PTPRM: variants seen among roughly 807,000 people sequenced by gnomAD.
PTPRM encodes receptor-type tyrosine-protein phosphatase mu.
Under a neutral mutation model 186.7 loss-of-function variants are expected in PTPRM, and 47 were observed. The ratio of observed to expected loss-of-function variants is 0.25; its 90% CI spans 0.20 to 0.32. PTPRM has a LOEUF of 0.32. Ranked by LOEUF, PTPRM falls within the 10% of genes least tolerant of loss-of-function variation. PTPRM has a pLI of 1.00. For missense variants in PTPRM, 1,494 were observed against 1,865.0 expected, an observed-to-expected ratio of 0.80 and a Z score of 3.66; for synonymous variants, 668 against 674.9, an observed-to-expected ratio of 0.99 and a Z score of 0.16.
intron 14 of PTPRM, among the ~76,000 whole-genome samples, chr18:8,201,700 C>T (rs952391709): frequency 2.0e-5 from 3 of 152,130 alleles, no homozygotes. Flanking sequence ...AGAGAGTTCT[C>T]TTCCTCTTCT....
chr18:8,031,629 A>T (rs1197890571), intron 7 of PTPRM, among the ~76,000 whole-genome samples: 1 of 152,230 alleles, frequency 6.6e-6, no homozygotes, highest in Non-Finnish European at 1.5e-5. Context: ...AGCACTATAG[A>T]GTCTGACAGG....
At chr18:8,358,195 T>G (rs993257682) in intron 23 of PTPRM, among the ~76,000 whole-genome samples, 3 of 151,180 alleles carry the variant, frequency 2.0e-5, no homozygotes, top group Non-Finnish European at 4.4e-5. Context: ...TTTTACAATT[T>G]TCACATTCCC....
At chr18:8,229,265 C>T (rs776007758) in intron 14 of PTPRM, among the ~76,000 whole-genome samples, 9 of 152,094 alleles carry the variant, frequency 5.9e-5, no homozygotes, top group Non-Finnish European at 1.0e-4. Flanking sequence ...CCAGCTGGCA[C>T]GTGATGTTTG....
intron 2 of PTPRM, among the ~76,000 whole-genome samples, chr18:7,839,918 G>A (rs1298784330): frequency 6.6e-6 from 1 of 152,052 alleles, no homozygotes; most frequent in Non-Finnish European, 1.5e-5. Context: ...TCCCTTCATG[G>A]GTGGGCATCA....
chr18:7,966,941 G>C lies in PTPRM; in HGVS notation c.1132+11527G>C. 2.4e-5 allele frequency among the ~76,000 whole-genome samples: 3 copies of C among 123,760 alleles called. 1 individual carries two copies. Among genetic ancestry groups the C allele is most frequent in the Non-Finnish European group, 5.8e-5 (3 of 51,824 alleles). The allele number at this position is 123,760 out of a possible 152,430, so 81.2% of individuals were successfully genotyped here. A position where few individuals can be genotyped will look rare whatever the true frequency, so the allele number is the denominator to read the frequency against. On this transcript the variant is annotated intron_variant, in intron 7 of 32. Transcript: ENST00000580170. Reference sequence around the variant, plus strand: ...CAAAGCAGCCTGGAAGCTCGAACTGGGTGGAGCCCACCACAGCTCTAGGAG... The same window carrying C: ...CAAAGCAGCCTGGAAGCTCGAACTGCGTGGAGCCCACCACAGCTCTAGGAG...
In PTPRM at chr18:7,772,349, C is replaced by CTTTCTT. The variant is rs775447799; in HGVS notation, c.74-1799_74-1798insTTCTTT. On this transcript the variant is annotated intron_variant, in intron 1 of 32. Coordinates refer to ENST00000580170, the MANE Select transcript of PTPRM (RefSeq NM_001105244.2). The stretch of plus-strand genomic sequence containing the variant: ...CGTTCTTTCTTTTCTTTCTTTCTTT[C>CTTTCTT]TCTTTCTTTCTTTCTTTCTTTCTTT... Among the ~76,000 whole-genome samples, 59 of 96,114 alleles carry CTTTCTT rather than the reference C, an allele frequency of 6.1e-4. 1 individual carries two copies. The highest frequency in any genetic ancestry group is 2.2e-3 in the African/African-American group (48 of 21,506). The allele number at this position is 96,114 out of a possible 152,430, so 63.1% of individuals were successfully genotyped here.
chr18:8,164,316 A>T (rs1600939413), intron 14 of PTPRM, among the ~76,000 whole-genome samples: 1 of 152,210 alleles, frequency 6.6e-6, no homozygotes, highest in South Asian at 2.1e-4. Context: ...ATGCAGCCCT[A>T]CCGCCATTAT....
intron 1 of PTPRM, among the ~76,000 whole-genome samples, chr18:7,575,523 A>G (rs1355762133): frequency 2.0e-5 from 3 of 152,230 alleles, no homozygotes; most frequent in Non-Finnish European, 4.4e-5. Flanking sequence ...ATCCAGAGAC[A>G]ACTTTAGATT....
At position 8,383,470 on chromosome 18, in the gene PTPRM, G is replaced by T. The variant is rs77183840; in HGVS notation, c.3919-1091G>T. ...AAAATCTTAGCAGTTCTTCCTTCCTGACTATTTCCAAGGGTAGGAATTTTG... is the reference window on the plus strand; with the variant it reads ...AAAATCTTAGCAGTTCTTCCTTCCTTACTATTTCCAAGGGTAGGAATTTTG... On this transcript the variant is annotated intron_variant, in intron 29 of 32. Coordinates refer to ENST00000580170, the MANE Select transcript of PTPRM (RefSeq NM_001105244.2). 3.7e-3 allele frequency among the ~76,000 whole-genome samples: 568 copies of T among 152,070 alleles called. 3 individuals are homozygous for T. The highest frequency in any genetic ancestry group is 0.013 in the African/African-American group (540 of 41,490).
At chr18:8,400,509 A>T (rs2095866482) in intron 32 of PTPRM, among the ~76,000 whole-genome samples, 1 of 152,220 alleles carries the variant, frequency 6.6e-6, no homozygotes, top group Non-Finnish European at 1.5e-5. Flanking sequence ...GCCAGGTAGG[A>T]TAGACGTGCC....
At chr18:7,660,384 G>A (rs1430930199) in intron 1 of PTPRM, among the ~76,000 whole-genome samples, 1 of 152,020 alleles carries the variant, frequency 6.6e-6, no homozygotes, top group African/African-American at 2.4e-5. Flanking sequence ...AAGTGGGTTT[G>A]GTCGATTTAT....
chr18:7,689,722 G>A (rs745598371), intron 1 of PTPRM, among the ~76,000 whole-genome samples: 26 of 152,134 alleles, frequency 1.7e-4, no homozygotes, highest in Non-Finnish European at 2.2e-4. Flanking sequence ...TCCATTAATG[G>A]ACTTTCCTTG....
chr18:7,994,975 A>G (rs2083457286), intron 7 of PTPRM, among the ~76,000 whole-genome samples: 1 of 152,142 alleles, frequency 6.6e-6, no homozygotes. Context: ...ATATCAGAGC[A>G]GAACTAAATG....
intron 14 of PTPRM, among the ~76,000 whole-genome samples, chr18:8,230,802 C>A (rs1379148521): frequency 6.6e-6 from 1 of 152,290 alleles, no homozygotes; most frequent in Non-Finnish European, 1.5e-5. Context: ...CCTTTAAATG[C>A]AACAGGATCT....
At chr18:7,673,693 A>G (rs1335123580) in intron 1 of PTPRM, among the ~76,000 whole-genome samples, 1 of 152,224 alleles carries the variant, frequency 6.6e-6, no homozygotes, top group East Asian at 1.9e-4. Context: ...AAAACATTCA[A>G]AGGTATAATA....
At chr18:7,724,041 C>G (rs1414141716) in intron 1 of PTPRM, among the ~76,000 whole-genome samples, 1 of 152,068 alleles carries the variant, frequency 6.6e-6, no homozygotes, top group African/African-American at 2.4e-5. Flanking sequence ...GGAAACTTAA[C>G]TCACATATCT....
At position 7,822,195 on chromosome 18, in the gene PTPRM, A is replaced by G. The variant is rs1473016808; in HGVS notation, c.196+47924A>G. 3.9e-5 allele frequency among the ~76,000 whole-genome samples: 6 copies of G among 152,194 alleles called. No individual in the cohort carries two copies. In the East Asian group the frequency reaches 7.7e-4, roughly 20 times the overall value. On this transcript the variant is annotated intron_variant, in intron 2 of 32. Transcript: ENST00000580170. The stretch of plus-strand genomic sequence containing the variant: ...TGCTCAATACTTCTTGTCCCCCATC[A>G]AGTTTCACAGGAGGTGTGTGTATAT...
chr18:8,349,371 T>C (rs1056524111), intron 23 of PTPRM, among the ~76,000 whole-genome samples: 2 of 152,256 alleles, frequency 1.3e-5, no homozygotes, highest in Non-Finnish European at 2.9e-5. Context: ...TTATAGACAT[T>C]GCTGACAGTT....
intron 19 of PTPRM, among the ~76,000 whole-genome samples, chr18:8,289,178 T>A (rs2094993182): frequency 6.6e-6 from 1 of 151,996 alleles, no homozygotes; most frequent in Admixed American, 6.6e-5. Context: ...CATACTAAAT[T>A]TCCTTATCTA....
Sources: gnomAD v4.1 joint callset for allele counts (sites outside exome capture counted in the v4.1 genomes callset) on GRCh38, gnomAD v4.1.1 for gene constraint, MANE v1.5 for transcripts, NCBI Gene and HGNC (gene_info 2026-07-23, HGNC 2026-07-21) for gene names.